ODAD2: variants seen among roughly 807,000 people sequenced by gnomAD.
ODAD2 encodes the protein outer dynein arm docking complex subunit 2, also known as outer dynein arm-docking complex subunit 2.
ODAD2 carries 89 observed loss-of-function variants against 106.8 expected under a neutral mutation model. The observed-to-expected ratio is 0.83, with a 90% CI of 0.70 to 0.99. ODAD2 has a LOEUF of 0.99. ODAD2 is among the 50% of genes least tolerant of loss of function. The pLI is 0.00. For missense variants in ODAD2, 1,168 were observed against 1,238.5 expected, an observed-to-expected ratio of 0.94 and a Z score of 0.85; for synonymous variants, 404 against 436.2, an observed-to-expected ratio of 0.93 and a Z score of 0.92.
chr10:27,818,744 T>C (rs1836351940), intron 19 of ODAD2, among the ~76,000 whole-genome samples: 1 of 152,244 alleles, frequency 6.6e-6, no homozygotes, highest in South Asian at 2.1e-4. Flanking sequence ...CTCCAGTCCT[T>C]GGCCTCCCCG....
chr10:27,879,753 A>T (rs145735744), intron 17 of ODAD2, among the ~76,000 whole-genome samples: 1 of 152,164 alleles, frequency 6.6e-6, no homozygotes, highest in Non-Finnish European at 1.5e-5. Flanking sequence ...AACTTGGTAG[A>T]TAAGAGTCTA....
intron 16 of ODAD2, among the ~76,000 whole-genome samples, chr10:27,915,873 A>G (rs1844331357): frequency 6.6e-6 from 1 of 152,190 alleles, no homozygotes; most frequent in African/African-American, 2.4e-5. Context: ...CATGCCTACA[A>G]TATGGACACA....
intron 19 of ODAD2, among the ~76,000 whole-genome samples, chr10:27,818,251 A>G (rs905047433): frequency 6.6e-6 from 1 of 152,110 alleles, no homozygotes; most frequent in African/African-American, 2.4e-5. Flanking sequence ...TTGGTAAATT[A>G]TATAATCAAG....
chr10:27,921,767 C>T (rs183600468), intron 16 of ODAD2, among the ~76,000 whole-genome samples: 224 of 143,822 alleles, frequency 1.6e-3, no homozygotes, highest in African/African-American at 5.5e-3. Context: ...TTTACAAAGG[C>T]AAAATAATTA....
chr10:27,924,040 GAAGGA>G (rs1845051291), intron 16 of ODAD2, among the ~76,000 whole-genome samples: 2 of 144,048 alleles, frequency 1.4e-5, no homozygotes, highest in Admixed American at 6.8e-5. Flanking sequence ...GAGAAAGAAA[GAAGGA>G]AAGAGAAAGA....
intron 9 of ODAD2, among the ~76,000 whole-genome samples, chr10:27,964,200 T>C (rs1443006944): frequency 6.6e-6 from 1 of 152,138 alleles, no homozygotes; most frequent in Non-Finnish European, 1.5e-5. Context: ...CCAGCCTGGA[T>C]GACACAGCAA....
At chr10:27,990,861 T>A (rs1850190902) in intron 2 of ODAD2, among the ~76,000 whole-genome samples, 1 of 152,102 alleles carries the variant, frequency 6.6e-6, no homozygotes, top group South Asian at 2.1e-4. Flanking sequence ...TCTCGATGCA[T>A]ATATATCACT....
Position 27,935,247 on chromosome 10 carries a change from C to A in ODAD2, c.2258G>T (p.Arg753Leu). 6.2e-7 allele frequency: 1 copy of A among 1,613,554 alleles called. No individual in the cohort carries two copies. ...CAAGGTTTCAATGGCTTTGTATTCC[C>A]GAAACCTAAGTTCATCATAAGAAAG... Reference protein sequence around the residue: ...SISKENVTKFREYKAIETLVG... With the variant: ...SISKENVTKFLEYKAIETLVG... Residue 753 changes from arginine to leucine, a missense_variant, in exon 16 of 20, where the codon CGG becomes CTG. Physicochemically the swap from Arg to Leu is moderately radical, Grantham distance 102 (BLOSUM62 -2). This residue lies in a region of ODAD2 where 701 missense variants were observed against 712.3 expected (regional missense o/e 0.98). Coordinates refer to ENST00000305242, the MANE Select transcript of ODAD2 (RefSeq NM_018076.5).
At chr10:27,814,154 A>T (rs1265547672) in intron 19 of ODAD2, among the ~76,000 whole-genome samples, 1 of 152,102 alleles carries the variant, frequency 6.6e-6, no homozygotes, top group African/African-American at 2.4e-5. Flanking sequence ...AAATGGGGGA[A>T]AAAAGGGAAA....
intron 19 of ODAD2, among the ~76,000 whole-genome samples, chr10:27,839,374 G>A (rs1838145195): frequency 6.6e-6 from 1 of 152,184 alleles, no homozygotes; most frequent in Non-Finnish European, 1.5e-5. Flanking sequence ...ACGTAACTCA[G>A]AGGGAAATGA....
At position 27,987,251 on chromosome 10, in the gene ODAD2, C is replaced by T. The variant is rs142543096; in HGVS notation, c.382+135G>A. ...TTAATAACATTTTCATGAAGTTGTA[C>T]ATTTGACTTTTTACCTTGTAGATTG... On this transcript the variant is annotated intron_variant, in intron 3 of 19. Coordinates refer to ENST00000305242, the MANE Select transcript of ODAD2 (RefSeq NM_018076.5). 334 of 706,716 alleles carry T rather than the reference C, an allele frequency of 4.7e-4. 2 individuals are homozygous for T. The African/African-American group carries it at 4.9e-3, about 10-fold the overall frequency. 43.8% of individuals were successfully genotyped at this position (706,716 alleles called of 1,614,324 possible).
intron 1 of ODAD2, among the ~76,000 whole-genome samples, chr10:27,998,558 G>A (rs1213108465): frequency 6.6e-6 from 1 of 152,014 alleles, no homozygotes; most frequent in South Asian, 2.1e-4. Flanking sequence ...GTGCAGAGAG[G>A]GGCGCAGGGA....
chr10:27,981,457 A>C lies in ODAD2; in HGVS notation c.936+9T>G. 1.3e-6 allele frequency: 2 copies of C among 1,495,140 alleles called. No homozygotes were observed. The highest frequency in any genetic ancestry group is 1.8e-6 in the Non-Finnish European group (2 of 1,131,136). The allele number at this position is 1,495,140 out of a possible 1,614,324, so 92.6% of individuals were successfully genotyped here. A position where few individuals can be genotyped will look rare whatever the true frequency, so the allele number is the denominator to read the frequency against. Reference sequence around the variant, plus strand: ...GCTATGAAAGCTCAAAAGAAACCATAAAACTTACCAATTTAGACATATTTT... The same window carrying C: ...GCTATGAAAGCTCAAAAGAAACCATCAAACTTACCAATTTAGACATATTTT... On this transcript the variant is annotated intron_variant, in intron 7 of 19. Transcript: ENST00000305242.
intron 16 of ODAD2, among the ~76,000 whole-genome samples, chr10:27,912,814 G>A (rs903190380): frequency 6.6e-6 from 1 of 152,082 alleles, no homozygotes; most frequent in Non-Finnish European, 1.5e-5. Context: ...TCAGTAAAAT[G>A]GGAAACATAA....
rs1438344158 is a variant in ODAD2 at position 27,998,643 on chromosome 10, A to C, written c.-39+351T>G. On this transcript the variant is annotated intron_variant, in intron 1 of 19. Transcript: ENST00000305242. ...GAGGAAGGAGTGAGATGGGGCTGGG[A>C]GAGAGAAGGGAAGGGGGCGGGTCTT... Among the ~76,000 whole-genome samples, 4 of 150,190 alleles carry C rather than the reference A, an allele frequency of 2.7e-5. No individual in the cohort carries two copies. The South Asian group carries it at 8.5e-4, about 32-fold the overall frequency.
At chr10:27,917,732 GA>G (rs1465356367) in intron 16 of ODAD2, among the ~76,000 whole-genome samples, 3 of 151,554 alleles carry the variant, frequency 2.0e-5, no homozygotes, top group African/African-American at 7.3e-5. Context: ...GTTTTTGTTT[GA>G]AAAACCAATT....
At chr10:27,843,308 T>C (rs916503524) in intron 19 of ODAD2, among the ~76,000 whole-genome samples, 6 of 152,302 alleles carry the variant, frequency 3.9e-5, no homozygotes, top group Admixed American at 1.3e-4. Flanking sequence ...GCTGAATCAA[T>C]AGTAATGTAC....
At chr10:27,902,038 T>C (rs1471108665) in intron 17 of ODAD2, among the ~76,000 whole-genome samples, 2 of 152,244 alleles carry the variant, frequency 1.3e-5, no homozygotes, top group South Asian at 2.1e-4. Flanking sequence ...TATTCTAAAA[T>C]TGACCACAGA....
chr10:27,887,868 A>G (rs1172638682), intron 17 of ODAD2, among the ~76,000 whole-genome samples: 5 of 152,080 alleles, frequency 3.3e-5, no homozygotes, highest in African/African-American at 4.8e-5. Flanking sequence ...CAAATAACTA[A>G]AATTAGAAAT....
Sources: allele counts gnomAD v4.1 joint callset (sites outside exome capture counted in the v4.1 genomes callset), GRCh38; gene constraint gnomAD v4.1.1; regional missense constraint gnomAD v4.1.1; transcripts MANE v1.5; gene names NCBI Gene and HGNC (gene_info 2026-07-23, HGNC 2026-07-21).